NAV2: variants seen among roughly 807,000 people sequenced by gnomAD.
NAV2 encodes neuron navigator 2, also known as helicase, APC down-regulated 1.
Under a neutral mutation model 223.2 loss-of-function variants are expected in NAV2, and 54 were observed. The ratio of observed to expected loss-of-function variants is 0.24; its 90% CI spans 0.19 to 0.30. The LOEUF (loss-of-function observed/expected upper bound fraction) is 0.30, where lower values mean the gene tolerates loss of function less well. NAV2 is among the 10% of genes least tolerant of loss of function. The pLI is 1.00. For synonymous variants in NAV2, 1,279 were observed against 1,239.3 expected (o/e 1.03, Z -0.67); for missense variants, 2,806 against 3,147.5 (o/e 0.89, Z 2.60).
chr11:19,696,360 A>G (rs1408029678), intron 1 of NAV2, among the ~76,000 whole-genome samples: 1 of 152,258 alleles, frequency 6.6e-6, no homozygotes, highest in Admixed American at 6.5e-5. Context: ...GAAGCCTGAC[A>G]AAAACCTAAG....
At chr11:19,480,298 C>A (rs1217007331) in intron 1 of NAV2, among the ~76,000 whole-genome samples, 1 of 152,076 alleles carries the variant, frequency 6.6e-6, no homozygotes, top group African/African-American at 2.4e-5. Context: ...ATCTTTGAGG[C>A]AAGCTTTGGG....
At chr11:19,463,387 C>T (rs1227994273) in intron 1 of NAV2, among the ~76,000 whole-genome samples, 1 of 152,232 alleles carries the variant, frequency 6.6e-6, no homozygotes, top group Non-Finnish European at 1.5e-5. Flanking sequence ...AATCCCATGC[C>T]TGTGTCAGAC....
chr11:20,033,912 G>T (rs1460820784), intron 11 of NAV2, among the ~76,000 whole-genome samples: 1 of 152,206 alleles, frequency 6.6e-6, no homozygotes, highest in African/African-American at 2.4e-5. Context: ...AGGGCTTTCA[G>T]CAAGACTGTG....
chr11:19,585,279 C>T (rs1483412216), intron 1 of NAV2, among the ~76,000 whole-genome samples: 1 of 152,008 alleles, frequency 6.6e-6, no homozygotes, highest in Non-Finnish European at 1.5e-5. Context: ...GTGTCTCTAC[C>T]CGTGAGATGG....
At chr11:20,038,669 T>C (rs1239884173) in intron 12 of NAV2, among the ~76,000 whole-genome samples, 1 of 152,162 alleles carries the variant, frequency 6.6e-6, no homozygotes, top group Admixed American at 6.5e-5. Flanking sequence ...CTGTGGCTCA[T>C]TTGGGTTCCT....
chr11:19,574,583 C>A (rs1367248273), intron 1 of NAV2, among the ~76,000 whole-genome samples: 1 of 152,156 alleles, frequency 6.6e-6, no homozygotes, highest in Non-Finnish European at 1.5e-5. Context: ...GTATTAGAAA[C>A]CCCCTCTTTT....
chr11:19,529,151 A>G (rs539447589), intron 1 of NAV2, among the ~76,000 whole-genome samples: 2 of 152,238 alleles, frequency 1.3e-5, no homozygotes, highest in Admixed American at 6.5e-5. Context: ...AACTCCCAAT[A>G]TTGTCTTTAT....
At chr11:19,499,462 G>T (rs759498810) in intron 1 of NAV2, among the ~76,000 whole-genome samples, 1 of 152,200 alleles carries the variant, frequency 6.6e-6, no homozygotes, top group Non-Finnish European at 1.5e-5. Flanking sequence ...GTTGTGAGTC[G>T]TTTCTAAGGA....
At chr11:19,696,783 A>C (rs1481923413) in intron 1 of NAV2, among the ~76,000 whole-genome samples, 1 of 152,236 alleles carries the variant, frequency 6.6e-6, no homozygotes, top group Non-Finnish European at 1.5e-5. Flanking sequence ...TTAAGCACAA[A>C]AAGACACCTT....
At chr11:20,100,233 T>C (rs2061535483) in intron 31 of NAV2, among the ~76,000 whole-genome samples, 1 of 152,174 alleles carries the variant, frequency 6.6e-6, no homozygotes, top group Non-Finnish European at 1.5e-5. Flanking sequence ...ACAACCCTGA[T>C]TAATGACATT....
intron 1 of NAV2, among the ~76,000 whole-genome samples, chr11:19,612,685 C>A (rs1343091631): frequency 6.6e-6 from 1 of 152,190 alleles, no homozygotes; most frequent in African/African-American, 2.4e-5. Context: ...TCAGCCTGGA[C>A]CTTATTGTCC....
chr11:19,729,345 T>A (rs1465167490), intron 1 of NAV2, among the ~76,000 whole-genome samples: 1 of 151,222 alleles, frequency 6.6e-6, no homozygotes, highest in Non-Finnish European at 1.5e-5. Context: ...AGAGCTCTGG[T>A]GGACAGGAAG....
chr11:20,109,125 C>T (rs893897414), intron 36 of NAV2, among the ~76,000 whole-genome samples: 1 of 152,078 alleles, frequency 6.6e-6, no homozygotes, highest in Non-Finnish European at 1.5e-5. Context: ...GAGGAGTATT[C>T]AACTATTTTC....
intron 19 of NAV2, among the ~76,000 whole-genome samples, chr11:20,060,067 C>G (rs979477069): frequency 6.6e-6 from 1 of 152,202 alleles, no homozygotes; most frequent in Non-Finnish European, 1.5e-5. Context: ...AAATAATTAC[C>G]TCTACCTTAA....
intron 10 of NAV2, among the ~76,000 whole-genome samples, chr11:19,955,377 A>C (rs2625309): frequency 0.91 from 137,911 of 151,942 alleles, 62,687 homozygotes; most frequent in East Asian, 0.98. Context: ...GTGACAGAGC[A>C]AGACCTTGTC....
In NAV2 at chr11:19,940,177, A is replaced by G. The variant is rs185548237; in HGVS notation, c.2146+404A>G. 1.1e-3 allele frequency among the ~76,000 whole-genome samples: 164 copies of G among 152,274 alleles called. 1 individual carries two copies. The highest frequency in any genetic ancestry group is 1.3e-4 in the Non-Finnish European group (9 of 68,012). On this transcript the variant is annotated intron_variant, in intron 8 of 37. Transcript: ENST00000349880. The stretch of plus-strand genomic sequence containing the variant: ...GTGGATTTCGTTCCTGTATGGAAGC[A>G]CTGATTTAAAATATGTTCTTAGAGT...
intron 1 of NAV2, among the ~76,000 whole-genome samples, chr11:19,688,464 G>T (rs1317722155): frequency 6.6e-6 from 1 of 152,188 alleles, no homozygotes; most frequent in African/African-American, 2.4e-5. Context: ...AAAACCTGCA[G>T]CAAGCATCTT....
chr11:20,091,699 C>T (rs1213468818), intron 27 of NAV2, among the ~76,000 whole-genome samples: 1 of 152,160 alleles, frequency 6.6e-6, no homozygotes, highest in Non-Finnish European at 1.5e-5. Flanking sequence ...CCTCTAGAGT[C>T]TGCTGGGATC....
At chr11:19,821,080 G>A (rs980044369) in intron 1 of NAV2, among the ~76,000 whole-genome samples, 1 of 152,098 alleles carries the variant, frequency 6.6e-6, no homozygotes, top group Non-Finnish European at 1.5e-5. Flanking sequence ...GGCTAACACG[G>A]TGAAACCCCG....
Sources: allele counts gnomAD v4.1 joint callset (sites outside exome capture counted in the v4.1 genomes callset), GRCh38; gene constraint gnomAD v4.1.1; transcripts MANE v1.5; gene names NCBI Gene and HGNC (gene_info 2026-07-23, HGNC 2026-07-21).